Variants in PKHD1 observed in about 807,000 individuals in gnomAD.
PKHD1 encodes PKHD1 ciliary IPT domain containing fibrocystin/polyductin.
A neutral mutation model predicts 412.0 loss-of-function variants in PKHD1; 291 were observed. The ratio of observed to expected loss-of-function variants is 0.71; its 90% confidence interval spans 0.64 to 0.78. The LOEUF is 0.78. Among genes scored for constraint, PKHD1 ranks in the 30% least tolerant of loss-of-function variants. PKHD1 has a pLI of 0.00. For missense variants in PKHD1, 4,825 were observed against 4,950.7 expected, an observed-to-expected ratio of 0.97 and a Z score of 0.76; for synonymous variants, 1,777 against 1,821.5, an observed-to-expected ratio of 0.98 and a Z score of 0.62.
Position 52,027,832 on chromosome 6 carries a change from G to A in PKHD1, c.3625C>T (p.Leu1209=), listed in dbSNP as rs746427805. The change falls in exon 31 of 67, where the codon CTG becomes TTG. Residue 1209 remains leucine, a synonymous_variant. Transcript: ENST00000371117. ...FSIEPCCGSL[L]GGTILSISGI... is the part of the protein sequence containing the mutation. ...CAGTCACATAAGAGCCACTCACCCAGCAGGGACCCACAGCAAGGCTCGATG... is the reference window on the plus strand; with the variant it reads ...CAGTCACATAAGAGCCACTCACCCAACAGGGACCCACAGCAAGGCTCGATG... 1.9e-6 allele frequency: 3 copies of A among 1,607,718 alleles called. No individual in the cohort carries two copies. The South Asian group carries it at 3.3e-5, about 18-fold the overall frequency.
intron 35 of PKHD1, among the ~76,000 whole-genome samples, chr6:51,998,554 C>A (rs1797976503): frequency 6.6e-6 from 1 of 152,184 alleles, no homozygotes; most frequent in Non-Finnish European, 1.5e-5. Context: ...AAGGGAGAAC[C>A]TGAGAAGACT....
intron 33 of PKHD1, among the ~76,000 whole-genome samples, chr6:52,019,685 T>A (rs188590718): frequency 6.6e-5 from 10 of 152,228 alleles, no homozygotes; most frequent in African/African-American, 1.9e-4. Context: ...TTCCATGCCT[T>A]ATGGAAAAGT....
At position 52,028,240 on chromosome 6, in the gene PKHD1, C is replaced by T. The variant is rs199873951; in HGVS notation, c.3476G>A (p.Gly1159Asp). 3.7e-6 allele frequency: 6 copies of T among 1,614,162 alleles called. No homozygotes were observed. The highest frequency in any genetic ancestry group is 4.5e-5 in the East Asian group (2 of 44,870). Residue 1159 changes from glycine to aspartate, a missense_variant, in exon 30 of 67, where the codon GGC becomes GAC. By Grantham distance (94) the Gly-to-Asp change is moderately conservative. Coordinates refer to ENST00000371117, the MANE Select transcript of PKHD1 (RefSeq NM_138694.4). The stretch of plus-strand genomic sequence containing the variant: ...CAGTGGGGGCAGTGCCACCTCCAGG[C>T]CCCAAGCCGACTGTGTGTGAACCGG... ...LAPVHTQSAW[G>D]LEVALPPLPA...
chr6:51,888,225 T>C (rs997628957), intron 43 of PKHD1, among the ~76,000 whole-genome samples: 7 of 152,344 alleles, frequency 4.6e-5, no homozygotes, highest in Middle Eastern at 3.4e-3. Context: ...TTGATATTTC[T>C]TTATAGGTCT....
intron 65 of PKHD1, among the ~76,000 whole-genome samples, chr6:51,628,711 T>C (rs1767580866): frequency 6.6e-6 from 1 of 152,200 alleles, no homozygotes; most frequent in South Asian, 2.1e-4. Flanking sequence ...AGCATTCCCT[T>C]TTCTCCACAA....
intron 51 of PKHD1, among the ~76,000 whole-genome samples, chr6:51,832,155 T>C (rs1768363035): frequency 6.6e-6 from 1 of 152,068 alleles, no homozygotes; most frequent in South Asian, 2.1e-4. Context: ...GTTATATCAG[T>C]ATTAGGAGGA....
At chr6:51,724,440 G>A (rs922589035) in intron 60 of PKHD1, among the ~76,000 whole-genome samples, 9 of 152,062 alleles carry the variant, frequency 5.9e-5, no homozygotes, top group African/African-American at 2.2e-4. Flanking sequence ...TATTCTCTAT[G>A]GCTCCCACTC....
At chr6:51,899,842 C>G (rs1236872908) in intron 43 of PKHD1, among the ~76,000 whole-genome samples, 28 of 152,244 alleles carry the variant, frequency 1.8e-4, no homozygotes, top group Admixed American at 1.8e-3. Context: ...TATCAATGTA[C>G]AAAAATCACA....
intron 57 of PKHD1, among the ~76,000 whole-genome samples, chr6:51,750,852 C>G (rs1786002890): frequency 1.3e-5 from 2 of 152,192 alleles, no homozygotes; most frequent in Non-Finnish European, 2.9e-5. Flanking sequence ...TCTCAGCTCA[C>G]TGCAACCTCC....
chr6:51,740,328 G>A (rs1784411472), intron 60 of PKHD1, among the ~76,000 whole-genome samples: 1 of 152,138 alleles, frequency 6.6e-6, no homozygotes, highest in African/African-American at 2.4e-5. Context: ...AATATGCTGG[G>A]ACCTGTGGAT....
chr6:51,773,424 C>G (rs1790480239), intron 54 of PKHD1, among the ~76,000 whole-genome samples: 1 of 151,636 alleles, frequency 6.6e-6, no homozygotes, highest in Non-Finnish European at 1.5e-5. Context: ...AATCATAATT[C>G]CTCATATTCT....
chr6:51,818,723 A>G (rs1181440677), intron 52 of PKHD1, among the ~76,000 whole-genome samples: 2 of 152,214 alleles, frequency 1.3e-5, no homozygotes, highest in East Asian at 3.9e-4. Context: ...CTAAGTTTAC[A>G]CTATTAAGAT....
chr6:51,621,026 T>A (rs1766547878), intron 66 of PKHD1, among the ~76,000 whole-genome samples: 1 of 152,144 alleles, frequency 6.6e-6, no homozygotes, highest in Non-Finnish European at 1.5e-5. Flanking sequence ...GTTACCCTAG[T>A]TTTCCTAAGG....
intron 53 of PKHD1, among the ~76,000 whole-genome samples, chr6:51,784,776 T>C (rs926261287): frequency 6.6e-6 from 1 of 152,142 alleles, no homozygotes; most frequent in African/African-American, 2.4e-5. Context: ...ACAAAGCACA[T>C]TTCTCCCTCG....
chr6:52,002,446 CT>C (rs1798546394), intron 35 of PKHD1, among the ~76,000 whole-genome samples: 1 of 152,206 alleles, frequency 6.6e-6, no homozygotes, highest in African/African-American at 2.4e-5. Flanking sequence ...TCTCCTCCCC[CT>C]GAAGTAGGTA....
intron 11 of PKHD1, 67 bp downstream of exon 11, chr6:52,069,390 T>C: frequency 1.8e-6 from 2 of 1,129,102 alleles, no homozygotes; most frequent in Non-Finnish European, 2.7e-6. Context: ...GGCCAAAAGA[T>C]AGGGAAGGAG....
intron 61 of PKHD1, among the ~76,000 whole-genome samples, chr6:51,650,574 GA>G (rs1393221429): frequency 6.6e-6 from 1 of 152,110 alleles, no homozygotes; most frequent in East Asian, 1.9e-4. Flanking sequence ...ATTTAATATG[GA>G]GGGTGCATGT....
At position 52,062,655 on chromosome 6, in the gene PKHD1, G is replaced by A. The variant is rs398124503; in HGVS notation, c.982C>T (p.Arg328Ter). 22 of 1,613,952 alleles carry A rather than the reference G, an allele frequency of 1.4e-5. No individual in the cohort carries two copies. Among genetic ancestry groups the A allele is most frequent in the African/African-American group, 2.7e-5 (2 of 74,918 alleles). The part of the protein sequence containing the change: ...VRLTTPQPGN[R>*]GLLFEVGDAV... ...TCTCCAACTTCAAAAAGAAGCCCTC[G>A]ATTGCCTGTAAGACATGTAGATCGC... Residue 328 changes from arginine to a stop codon, truncating the protein, a stop_gained, in exon 14 of 67, where the codon CGA (arginine) becomes TGA (stop). Transcript: ENST00000371117. LOFTEE classifies it high-confidence loss of function.
chr6:51,835,746 C>G (rs530737320), intron 51 of PKHD1, among the ~76,000 whole-genome samples: 31 of 152,298 alleles, frequency 2.0e-4, no homozygotes, highest in Admixed American at 1.5e-3. Flanking sequence ...ACCTCATTTA[C>G]CTATTAATTT....
Sources: gnomAD v4.1 joint callset for allele counts (sites outside exome capture counted in the v4.1 genomes callset) on GRCh38, gnomAD v4.1.1 for gene constraint, MANE v1.5 for transcripts, NCBI Gene and HGNC (gene_info 2026-07-23, HGNC 2026-07-21) for gene names.